Variants in DISP1 observed in about 807,000 individuals in gnomAD.
DISP1 encodes dispatched RND transporter family member 1, also known as protein dispatched homolog 1.
A neutral mutation model predicts 37.3 loss-of-function variants in DISP1; 30 were observed. That is an observed-to-expected ratio of 0.80 (90% CI 0.60 to 1.09). DISP1 has a LOEUF of 1.09. DISP1 is among the 50% of genes least tolerant of loss of function. DISP1 has a pLI of 0.00. For missense variants in DISP1, 1,598 were observed against 1,879.5 expected, an observed-to-expected ratio of 0.85 and a Z score of 2.77; for synonymous variants, 634 against 690.2, an observed-to-expected ratio of 0.92 and a Z score of 1.28.
chr1:222,937,441 G>C (rs969731883), intron 2 of DISP1, among the ~76,000 whole-genome samples: 4 of 152,104 alleles, frequency 2.6e-5, no homozygotes, highest in South Asian at 2.1e-4. Context: ...TTATACAAGA[G>C]TATTCATATA....
At chr1:222,910,450 A>T (rs2125420782) in intron 1 of DISP1, among the ~76,000 whole-genome samples, 1 of 152,326 alleles carries the variant, frequency 6.6e-6, no homozygotes, top group Non-Finnish European at 1.5e-5. Flanking sequence ...TTTACCATTC[A>T]CATAACCTTT....
chr1:222,991,476 C>G (rs548169980), intron 5 of DISP1, 44 bp from the exon 6 acceptor site: 6 of 1,612,050 alleles, frequency 3.7e-6, no homozygotes, highest in South Asian at 3.3e-5. Flanking sequence ...CTGTACTTAG[C>G]CTGAAATGAA....
intron 1 of DISP1, among the ~76,000 whole-genome samples, chr1:222,902,097 C>T (rs1558319828): frequency 6.6e-6 from 1 of 151,240 alleles, no homozygotes; most frequent in African/African-American, 2.4e-5. Context: ...TTGATCTTTT[C>T]AAAAAACCAG....
In DISP1 at chr1:223,005,525, T is replaced by C; in HGVS notation, c.4128T>C (p.Ser1376=). 1 of 1,613,816 alleles carries C rather than the reference T, an allele frequency of 6.2e-7. No homozygotes were observed. Among genetic ancestry groups the C allele is most frequent in the Non-Finnish European group, 8.5e-7 (1 of 1,179,956 alleles). The stretch of plus-strand genomic sequence containing the variant: ...AAATTGGCAAGACCAATGTACACAG[T>C]CTTCAGAGGAGCATAGAAGAGCATC... ...QEKIGKTNVH[S]LQRSIEEHLP... The change falls in exon 9 of 9, where the codon AGT becomes AGC. Residue 1376 remains serine, a synonymous_variant. Coordinates refer to ENST00000675850, the MANE Select transcript of DISP1 (RefSeq NM_001377229.1).
chr1:222,819,999 G>A (rs1662405950), intron 1 of DISP1, among the ~76,000 whole-genome samples: 1 of 151,928 alleles, frequency 6.6e-6, no homozygotes, highest in Non-Finnish European at 1.5e-5. Flanking sequence ...TTTCATTTAT[G>A]TTCACCAAAA....
intron 1 of DISP1, among the ~76,000 whole-genome samples, chr1:222,878,644 G>A (rs73128632): frequency 0.017 from 2,656 of 152,198 alleles, 95 homozygotes; most frequent in African/African-American, 0.06. Context: ...TAGCTTTAAG[G>A]TGAATCATAA....
At chr1:222,955,683 C>T (rs1019163654) in intron 3 of DISP1, among the ~76,000 whole-genome samples, 6 of 152,108 alleles carry the variant, frequency 3.9e-5, no homozygotes, top group East Asian at 3.8e-4. Context: ...GAGAGTCAGT[C>T]GGGGAATAAC....
At chr1:222,877,251 T>C (rs1468371175) in intron 1 of DISP1, among the ~76,000 whole-genome samples, 6 of 151,682 alleles carry the variant, frequency 4.0e-5, no homozygotes, top group South Asian at 4.2e-4. Context: ...TACCCGAGAG[T>C]GGGAAGAAAA....
chr1:222,918,153 C>T (rs1319728273), intron 1 of DISP1, among the ~76,000 whole-genome samples: 1 of 152,156 alleles, frequency 6.6e-6, no homozygotes, highest in Non-Finnish European at 1.5e-5. Context: ...ACATTGAGGA[C>T]ATTCCCCATC....
chr1:222,917,708 G>T (rs1382733584), intron 1 of DISP1, among the ~76,000 whole-genome samples: 1 of 152,178 alleles, frequency 6.6e-6, no homozygotes, highest in East Asian at 1.9e-4. Flanking sequence ...TTCTTTTATG[G>T]CTACAGGAAG....
chr1:222,980,128 A>C (rs1336244573), intron 3 of DISP1, among the ~76,000 whole-genome samples: 3 of 152,374 alleles, frequency 2.0e-5, no homozygotes, highest in South Asian at 4.1e-4. Flanking sequence ...CAAAGTCCTC[A>C]AAAACTCAGT....
chr1:222,950,195 T>C (rs757442632), intron 3 of DISP1, among the ~76,000 whole-genome samples: 47 of 152,084 alleles, frequency 3.1e-4, no homozygotes, highest in Non-Finnish European at 6.0e-4. Context: ...GAATGGCCCT[T>C]GAAAGATGAC....
At chr1:222,962,925 A>C (rs992276349) in intron 3 of DISP1, among the ~76,000 whole-genome samples, 1 of 152,250 alleles carries the variant, frequency 6.6e-6, no homozygotes, top group Non-Finnish European at 1.5e-5. Context: ...CAAAATTGAC[A>C]AATGGGATCT....
At chr1:222,934,219 G>A (rs1180547883) in intron 2 of DISP1, among the ~76,000 whole-genome samples, 2 of 152,010 alleles carry the variant, frequency 1.3e-5, no homozygotes, top group Non-Finnish European at 2.9e-5. Flanking sequence ...TACCTTTAGA[G>A]TCATACTGGT....
chr1:222,857,278 AAAAG>A (rs1232997295), intron 1 of DISP1, among the ~76,000 whole-genome samples: 4 of 152,180 alleles, frequency 2.6e-5, no homozygotes, highest in Non-Finnish European at 5.9e-5. Flanking sequence ...AAAAAAAAGA[AAAAG>A]AAAAAAACTG....
At chr1:222,936,097 T>A (rs1006062847) in intron 2 of DISP1, among the ~76,000 whole-genome samples, 2 of 152,226 alleles carry the variant, frequency 1.3e-5, no homozygotes, top group African/African-American at 4.8e-5. Context: ...TATTCATGTT[T>A]AGATATGTGT....
At position 222,845,063 on chromosome 1, in the gene DISP1, G is replaced by C. The variant is rs573761401; in HGVS notation, c.-159+29985G>C. Among the ~76,000 whole-genome samples the C allele has an allele frequency of 5.9e-4, 90 of 152,208 alleles. 1 individual carries two copies. The highest frequency in any genetic ancestry group is 1.4e-3 in the East Asian group (7 of 5,184). ...TCATTGTAGTTTATTAAGGTAAAAT[G>C]ACTTTTTGTGATGTAGTGCTAAAAA... On this transcript the variant is annotated intron_variant, in intron 1 of 8. Coordinates refer to ENST00000675850, the MANE Select transcript of DISP1 (RefSeq NM_001377229.1).
chr1:222,845,568 C>T (rs1257505475), intron 1 of DISP1, among the ~76,000 whole-genome samples: 1 of 152,148 alleles, frequency 6.6e-6, no homozygotes, highest in Non-Finnish European at 1.5e-5. Flanking sequence ...GTTTCATTAG[C>T]ACAATAAATA....
chr1:222,863,971 A>G (rs1438954502), intron 1 of DISP1, among the ~76,000 whole-genome samples: 1 of 152,156 alleles, frequency 6.6e-6, no homozygotes, highest in Admixed American at 6.5e-5. Flanking sequence ...TTTAATGGAG[A>G]ATGGTATTTT....
Sources: gnomAD v4.1 joint callset for allele counts (sites outside exome capture counted in the v4.1 genomes callset) on GRCh38, gnomAD v4.1.1 for gene constraint, MANE v1.5 for transcripts, NCBI Gene and HGNC (gene_info 2026-07-23, HGNC 2026-07-21) for gene names.